CCDC186: variants seen among roughly 807,000 people sequenced by gnomAD.
CCDC186 encodes the protein coiled-coil domain containing 186.
In CCDC186, 49 loss-of-function variants were observed where a neutral mutation model predicts 113.7. The ratio of observed to expected loss-of-function variants is 0.43; its 90% CI spans 0.34 to 0.55. CCDC186 has a LOEUF of 0.55. Ranked by LOEUF, CCDC186 falls within the 20% of genes least tolerant of loss-of-function variation. The pLI is 0.02. For missense variants in CCDC186, 890 were observed against 1,011.1 expected (o/e 0.88, Z 1.62); for synonymous variants, 355 against 345.8 (o/e 1.03, Z -0.30).
At chr10:114,151,690 G>T (rs1333642530) in intron 3 of CCDC186, among the ~76,000 whole-genome samples, 1 of 152,178 alleles carries the variant, frequency 6.6e-6, no homozygotes, top group Non-Finnish European at 1.5e-5. Flanking sequence ...CACACTACCT[G>T]CCAGTTAGTC....
At chr10:114,160,230 A>T (rs1037223188) in intron 2 of CCDC186, among the ~76,000 whole-genome samples, 2 of 151,696 alleles carry the variant, frequency 1.3e-5, no homozygotes, top group Non-Finnish European at 2.9e-5. Context: ...AGGTCGCGCC[A>T]CTGCACTCCA....
chr10:114,170,590 CTG>C (rs1238299709), intron 1 of CCDC186, among the ~76,000 whole-genome samples: 1 of 152,146 alleles, frequency 6.6e-6, no homozygotes, highest in Admixed American at 6.5e-5. Flanking sequence ...CCCAAAAGTG[CTG>C]TGATTACAGA....
chr10:114,172,152 G>A (rs962172572), intron 1 of CCDC186, among the ~76,000 whole-genome samples: 1 of 152,040 alleles, frequency 6.6e-6, no homozygotes, highest in Non-Finnish European at 1.5e-5. Flanking sequence ...AAAATTTCAG[G>A]GTAAGGATTC....
Position 114,129,841 on chromosome 10 carries a change from T to G in CCDC186, c.2182+50A>C, listed in dbSNP as rs376447015. ...CATCACACCTGGCCAAAAATGCTAT[T>G]TATTTTTATATCAATCATGAAATAA... is the stretch of plus-strand genomic sequence containing the variant. On this transcript the variant is annotated intron_variant, in intron 13 of 15. Transcript: ENST00000369287. 59 of 1,567,156 alleles carry G rather than the reference T, an allele frequency of 3.8e-5. No individual in the cohort carries two copies. The African/African-American group carries it at 7.9e-4, about 21-fold the overall frequency.
At chr10:114,161,369 A>T (rs12782351) in intron 2 of CCDC186, among the ~76,000 whole-genome samples, 12,221 of 152,178 alleles carry the variant, frequency 0.08, 577 homozygotes, top group Middle Eastern at 0.14. Context: ...TGAACTAATA[A>T]ATGTAATATA....
chr10:114,121,073 A>G lies in CCDC186; in HGVS notation c.*4070T>C, dbSNP rs1033138804. The G allele has an allele frequency of 1.3e-5, 2 of 152,218 alleles. No homozygotes were observed. Among genetic ancestry groups the G allele is most frequent in the Non-Finnish European group, 2.9e-5 (2 of 68,022 alleles). 9.4% of individuals were successfully genotyped at this position (152,218 alleles called of 1,614,324 possible). A position where few individuals can be genotyped will look rare whatever the true frequency, so the allele number is the denominator to read the frequency against. ...CAAAATGGATAGCGATTTGCATTTT[A>G]GAAAAAGAATTCCATTCCAGAAGAA... On this transcript the variant is annotated 3_prime_UTR_variant, in exon 16 of 16. Transcript: ENST00000369287.
chr10:114,157,577 G>T lies in CCDC186; in HGVS notation c.736C>A (p.Gln246Lys), dbSNP rs1467549823. 2 of 1,609,158 alleles carry T rather than the reference G, an allele frequency of 1.2e-6. No individual in the cohort carries two copies. The highest frequency in any genetic ancestry group is 1.3e-5 in the African/African-American group (1 of 74,418). The change falls in exon 3 of 16, where the codon CAG becomes AAG. Residue 246 changes from glutamine to lysine, a missense_variant. Coordinates refer to ENST00000369287, the MANE Select transcript of CCDC186 (RefSeq NM_018017.4). ...ELKKRTETEK[Q>K]HMNTIKQLES... ...ACCTGTTTAATTGTGTTCATATGCT[G>T]CTTCTCAGTTTCTGTTCTTTTCTTT... is the stretch of plus-strand genomic sequence containing the variant.
chr10:114,144,309 T>A (rs2031566298), intron 6 of CCDC186, among the ~76,000 whole-genome samples, 188 bp downstream of exon 6: 1 of 152,072 alleles, frequency 6.6e-6, no homozygotes, highest in African/African-American at 2.4e-5. Flanking sequence ...AATCACCAAA[T>A]ATTCAGGTCC....
chr10:114,162,739 TCTGCAAA>T lies in CCDC186; in HGVS notation c.523_529del (p.Phe175AsnfsTer8). The T allele has an allele frequency of 6.2e-7, 1 of 1,613,974 alleles. No homozygotes were observed. The highest frequency in any genetic ancestry group is 1.1e-5 in the South Asian group (1 of 91,060). On this transcript the variant is annotated frameshift_variant, in exon 2 of 16. Transcript: ENST00000369287. LOFTEE classifies it high-confidence loss of function. ...ATTCATTCCATTTGGTACTCGATGT[TCTGCAAA>T]CTCCGTAGATAAGAGCTCAGATTCT... is the stretch of plus-strand genomic sequence containing the variant.
chr10:114,138,304 TTTTTTTG>T (rs1182437683), intron 6 of CCDC186, among the ~76,000 whole-genome samples: 1 of 11,148 alleles, frequency 9.0e-5, no homozygotes, highest in Non-Finnish European at 2.9e-4. Context: ...TTTTTTTTTT[TTTTTTTG>T]GAGACAGCGT....
intron 12 of CCDC186, 136 bp downstream of exon 12, chr10:114,131,011 T>A: frequency 1.5e-6 from 1 of 656,286 alleles, no homozygotes; most frequent in Non-Finnish European, 2.3e-6. Flanking sequence ...TTCCAAGAAG[T>A]TTAACAATTT....
At chr10:114,161,974 T>A (rs141605525) in intron 2 of CCDC186, 6 of 151,990 alleles carry the variant, frequency 3.9e-5, no homozygotes, top group Admixed American at 3.9e-4. Context: ...GTATCATGAG[T>A]AGTCAAACTC....
At chr10:114,159,704 T>C (rs2032111910) in intron 2 of CCDC186, among the ~76,000 whole-genome samples, 1 of 150,512 alleles carries the variant, frequency 6.6e-6, no homozygotes. Flanking sequence ...CCTGTAATCC[T>C]GGCACTTTGG....
At chr10:114,164,959 G>T (rs773110687) in intron 1 of CCDC186, among the ~76,000 whole-genome samples, 2 of 152,134 alleles carry the variant, frequency 1.3e-5, no homozygotes, top group African/African-American at 4.8e-5. Flanking sequence ...GCACATAGTG[G>T]GTTCTCAAAT....
At chr10:114,154,346 A>T (rs1218935397) in intron 3 of CCDC186, among the ~76,000 whole-genome samples, 1 of 152,042 alleles carries the variant, frequency 6.6e-6, no homozygotes, top group East Asian at 1.9e-4. Flanking sequence ...GATGACTGAA[A>T]TTACTAGAAT....
rs1564912684 is a variant in CCDC186 at position 114,149,579 on chromosome 10, G to GAAGGA, written c.888+1512_888+1513insTCCTT. On this transcript the variant is annotated intron_variant, in intron 4 of 15. Transcript: ENST00000369287. ...GAAGGAAAGGAAAGGGAAGGGAAGG[G>GAAGGA]AAGGGAAGGGAAGGGAAGGGAAGGG... Among the ~76,000 whole-genome samples the GAAGGA allele has an allele frequency of 2.7e-3, 51 of 19,028 alleles. 1 individual carries two copies. Among genetic ancestry groups the GAAGGA allele is most frequent in the Admixed American group, 5.0e-3 (10 of 2,010 alleles). 12.5% of individuals were successfully genotyped at this position (19,028 alleles called of 152,430 possible). A position where few individuals can be genotyped will look rare whatever the true frequency, so the allele number is the denominator to read the frequency against.
intron 1 of CCDC186, among the ~76,000 whole-genome samples, chr10:114,164,916 A>G (rs2032292483): frequency 6.6e-6 from 1 of 152,206 alleles, no homozygotes; most frequent in Admixed American, 6.5e-5. Context: ...AATCACAGTG[A>G]CTTGTAGACT....
chr10:114,158,026 C>T (rs960635073), intron 2 of CCDC186, among the ~76,000 whole-genome samples: 5 of 152,208 alleles, frequency 3.3e-5, no homozygotes, highest in African/African-American at 1.2e-4. Context: ...TTCTCAGCCA[C>T]GGGCAATTTT....
intron 7 of CCDC186, 91 bp from the exon 8 acceptor site, chr10:114,136,337 C>T: frequency 1.2e-6 from 1 of 801,904 alleles, no homozygotes; most frequent in Non-Finnish European, 2.0e-6. Context: ...AATGTAGCAT[C>T]ATATACATTT....
Sources: allele counts gnomAD v4.1 joint callset (sites outside exome capture counted in the v4.1 genomes callset), GRCh38; gene constraint gnomAD v4.1.1; transcripts MANE v1.5; gene names NCBI Gene and HGNC (gene_info 2026-07-23, HGNC 2026-07-21).